Variants in HDAC9 observed in about 807,000 individuals in gnomAD.
HDAC9 encodes histone deacetylase 9.
HDAC9 carries 41 observed loss-of-function variants against 139.4 expected under a neutral mutation model. The ratio of observed to expected loss-of-function variants is 0.29; its 90% CI spans 0.23 to 0.38. HDAC9 has a LOEUF of 0.38. Among genes scored for constraint, HDAC9 ranks in the 10% least tolerant of loss-of-function variants. The pLI, the probability that HDAC9 is intolerant of heterozygous loss-of-function variation, is 1.00. For missense variants in HDAC9, 1,147 were observed against 1,297.0 expected, an observed-to-expected ratio of 0.88 and a Z score of 1.78; for synonymous variants, 517 against 476.2, an observed-to-expected ratio of 1.09 and a Z score of -1.12.
At chr7:18,117,522 G>A (rs952248757) in intron 1 of HDAC9, among the ~76,000 whole-genome samples, 3 of 150,830 alleles carry the variant, frequency 2.0e-5, no homozygotes, top group Admixed American at 2.0e-4. Flanking sequence ...AAAAAAAAGA[G>A]AAGAGATAGA....
At chr7:18,240,687 T>C (rs1794130778) in intron 2 of HDAC9, among the ~76,000 whole-genome samples, 1 of 152,184 alleles carries the variant, frequency 6.6e-6, no homozygotes, top group Non-Finnish European at 1.5e-5. Flanking sequence ...TCCCATCTTA[T>C]CAGAACAAAA....
chr7:18,702,430 G>A (rs1783567542), intron 12 of HDAC9, among the ~76,000 whole-genome samples: 1 of 152,208 alleles, frequency 6.6e-6, no homozygotes, highest in Non-Finnish European at 1.5e-5. Context: ...AAAAGTCGGC[G>A]ACTGTCCAGT....
intron 1 of HDAC9, among the ~76,000 whole-genome samples, chr7:18,489,200 G>T (rs1796189854): frequency 6.6e-6 from 1 of 151,974 alleles, no homozygotes; most frequent in African/African-American, 2.4e-5. Context: ...GGTAATACAG[G>T]AGAAAGCAAA....
chr7:18,466,369 G>C (rs949041265), intron 1 of HDAC9, among the ~76,000 whole-genome samples: 1 of 152,028 alleles, frequency 6.6e-6, no homozygotes, highest in African/African-American at 2.4e-5. Flanking sequence ...GCTAATTTTT[G>C]TATTTTTAAT....
At chr7:18,296,657 A>G (rs924953192) in intron 1 of HDAC9, among the ~76,000 whole-genome samples, 3 of 152,214 alleles carry the variant, frequency 2.0e-5, no homozygotes, top group African/African-American at 7.2e-5. Flanking sequence ...CTATGCCTGT[A>G]GGATGGATTG....
intron 23 of HDAC9, among the ~76,000 whole-genome samples, chr7:18,947,575 G>A (rs1370315873): frequency 2.6e-5 from 4 of 151,842 alleles, no homozygotes; most frequent in Non-Finnish European, 4.4e-5. Flanking sequence ...AAATGTGAGT[G>A]GTTCTTTAAT....
At chr7:18,132,929 A>G (rs922098579) in intron 1 of HDAC9, among the ~76,000 whole-genome samples, 3 of 152,144 alleles carry the variant, frequency 2.0e-5, no homozygotes, top group African/African-American at 7.2e-5. Context: ...ATAGCACCCT[A>G]AGGTTAACAG....
intron 13 of HDAC9, among the ~76,000 whole-genome samples, chr7:18,747,447 G>A (rs889713429): frequency 2.0e-5 from 3 of 152,186 alleles, no homozygotes; most frequent in African/African-American, 7.2e-5. Flanking sequence ...TTTGGAGGGG[G>A]AGCGTCAAGG....
At chr7:18,177,324 T>C (rs371312687) in intron 2 of HDAC9, among the ~76,000 whole-genome samples, 38 of 152,196 alleles carry the variant, frequency 2.5e-4, no homozygotes, top group African/African-American at 9.2e-4. Flanking sequence ...GTCTGTTGTC[T>C]ATGGTGCGAT....
At chr7:18,810,212 A>T (rs1478212271) in intron 17 of HDAC9, among the ~76,000 whole-genome samples, 1 of 151,870 alleles carries the variant, frequency 6.6e-6, no homozygotes, top group Non-Finnish European at 1.5e-5. Context: ...GGAATTAAAA[A>T]CAACAACAAT....
chr7:18,639,817 A>G (rs747731513), intron 8 of HDAC9, among the ~76,000 whole-genome samples: 21 of 152,006 alleles, frequency 1.4e-4, no homozygotes, highest in Admixed American at 2.0e-4. Context: ...TAATAGACAC[A>G]CATGTTACCT....
intron 21 of HDAC9, among the ~76,000 whole-genome samples, chr7:18,837,160 C>T (rs911295898): frequency 4.6e-5 from 7 of 151,142 alleles, no homozygotes; most frequent in African/African-American, 1.7e-4. Context: ...GCTTGGCATT[C>T]AAGATACAAA....
rs144071556 is a variant in HDAC9, at chr7:18,576,611, G to A, written c.23-8670G>A. Among the ~76,000 whole-genome samples the A allele has an allele frequency of 4.8e-3, 719 of 148,980 alleles. 3 individuals carry two copies. The highest frequency in any genetic ancestry group is 0.017 in the African/African-American group (678 of 40,044). On this transcript the variant is annotated intron_variant, in intron 2 of 25. Transcript: ENST00000686413. ...CGGCAGGCAGAGGTTGCAGTGAGCC[G>A]AGATCGCGCCACTGCACTCCAGCTG...
intron 1 of HDAC9, among the ~76,000 whole-genome samples, chr7:18,332,700 T>A (rs1222038255): frequency 1.3e-5 from 2 of 151,618 alleles, no homozygotes; most frequent in Non-Finnish European, 3.0e-5. Flanking sequence ...AGATGGTGAT[T>A]ATTTAAATAG....
rs1784822149 is a variant in HDAC9 at position 18,980,342 on chromosome 7, CCATCT to C, written c.3170+4395_3170+4399del. Among the ~76,000 whole-genome samples, 5 of 152,098 alleles carry C rather than the reference CCATCT, an allele frequency of 3.3e-5. No homozygotes were observed. The South Asian group carries it at 1.0e-3, about 32-fold the overall frequency. ...AAAATAAGATGCATAATTTAGCTTC[CCATCT>C]CATCTTTTTCTTCACTCCTTCAATC... On this transcript the variant is annotated intron_variant, in intron 25 of 25. Transcript: ENST00000686413.
chr7:18,198,038 C>T (rs1346139797), intron 2 of HDAC9, among the ~76,000 whole-genome samples: 1 of 152,042 alleles, frequency 6.6e-6, no homozygotes, highest in African/African-American at 2.4e-5. Context: ...GAAAATTGTT[C>T]TAAGCTGCAA....
chr7:18,478,984 A>AT (rs1795337953), intron 1 of HDAC9, among the ~76,000 whole-genome samples: 1 of 151,888 alleles, frequency 6.6e-6, no homozygotes, highest in African/African-American at 2.4e-5. Context: ...GTCTTTTCTT[A>AT]TTTTTTAACC....
intron 2 of HDAC9, among the ~76,000 whole-genome samples, chr7:18,556,097 C>G (rs927122600): frequency 3.3e-5 from 5 of 151,750 alleles, no homozygotes; most frequent in Non-Finnish European, 7.4e-5. Flanking sequence ...AATGTTCATG[C>G]TTCAAAAGTT....
chr7:18,749,272 C>A, intron 14 of HDAC9, 134 bp downstream of exon 14: 1 of 964,218 alleles, frequency 1.0e-6, no homozygotes, highest in African/African-American at 1.6e-5. Flanking sequence ...ATCATAGATT[C>A]AGGTAGCACA....
Sources: allele counts gnomAD v4.1 joint callset (sites outside exome capture counted in the v4.1 genomes callset), GRCh38; gene constraint gnomAD v4.1.1; transcripts MANE v1.5; gene names NCBI Gene and HGNC (gene_info 2026-07-23, HGNC 2026-07-21).